UBASH3B: variants seen among roughly 807,000 people sequenced by gnomAD.
UBASH3B encodes the protein ubiquitin associated and SH3 domain containing B, also known as ubiquitin-associated and SH3 domain-containing protein B.
In UBASH3B, 37 loss-of-function variants were observed where a neutral mutation model predicts 83.4. The observed-to-expected ratio is 0.44, with a 90% CI of 0.34 to 0.58. The LOEUF (loss-of-function observed/expected upper bound fraction) is 0.58. Ranked by LOEUF, UBASH3B falls within the 20% of genes least tolerant of loss-of-function variation. UBASH3B has a pLI of 0.01. For missense variants in UBASH3B, 657 were observed against 827.2 expected, an observed-to-expected ratio of 0.79 and a Z score of 2.52; for synonymous variants, 304 against 318.3, an observed-to-expected ratio of 0.96 and a Z score of 0.48.
chr11:122,750,361 C>T (rs1302241037), intron 1 of UBASH3B, among the ~76,000 whole-genome samples: 1 of 152,120 alleles, frequency 6.6e-6, no homozygotes, highest in East Asian at 1.9e-4. Context: ...CCGGGAGGGA[C>T]ACACTCAAAG....
intron 1 of UBASH3B, among the ~76,000 whole-genome samples, chr11:122,728,939 C>T (rs1860791984): frequency 6.6e-6 from 1 of 152,236 alleles, no homozygotes; most frequent in Non-Finnish European, 1.5e-5. Flanking sequence ...TGGTCAGAGA[C>T]TTGCTCAAGG....
intron 1 of UBASH3B, among the ~76,000 whole-genome samples, chr11:122,690,700 C>T (rs1055248365): frequency 3.3e-5 from 5 of 152,148 alleles, no homozygotes; most frequent in East Asian, 1.9e-4. Flanking sequence ...AGACACATAG[C>T]GCTATGCTCC....
rs569500375 is a variant in UBASH3B at position 122,776,115 on chromosome 11, G to A, written c.162-104G>A. ...TCTACTCCCCACCACAGAGGATTGA[G>A]TGGAACACAGGCTTTGATGTCGCCT... On this transcript the variant is annotated intron_variant, in intron 1 of 13. Coordinates refer to ENST00000284273, the MANE Select transcript of UBASH3B (RefSeq NM_032873.5). 4.3e-5 allele frequency: 45 copies of A among 1,036,224 alleles called. No homozygotes were observed. The African/African-American group carries it at 6.1e-4, about 14-fold the overall frequency. The allele number at this position is 1,036,224 out of a possible 1,614,324, so 64.2% of individuals were successfully genotyped here.
intron 1 of UBASH3B, among the ~76,000 whole-genome samples, chr11:122,672,326 ACTT>A (rs1863606792): frequency 6.6e-6 from 1 of 151,380 alleles, no homozygotes; most frequent in Non-Finnish European, 1.5e-5. Context: ...TATTTTGTGA[ACTT>A]TTTTTTTTTT....
rs1470755502 is a variant in UBASH3B, at chr11:122,801,183, C to A, written c.1451-5C>A. 9.9e-6 allele frequency: 16 copies of A among 1,613,984 alleles called. No homozygotes were observed. Among genetic ancestry groups the A allele is most frequent in the Non-Finnish European group, 1.4e-5 (16 of 1,179,930 alleles). On this transcript the variant is annotated splice_region_variant and splice_polypyrimidine_tract_variant and intron_variant, in intron 10 of 13. Transcript: ENST00000284273. Reference sequence around the variant, plus strand: ...TCTTCATCTTCACTGTATTTTACCCCTAAGGTTTACAACAAGAAAATCACT... The same window carrying A: ...TCTTCATCTTCACTGTATTTTACCCATAAGGTTTACAACAAGAAAATCACT...
At chr11:122,679,486 A>G (rs1863711171) in intron 1 of UBASH3B, among the ~76,000 whole-genome samples, 1 of 152,222 alleles carries the variant, frequency 6.6e-6, no homozygotes, top group African/African-American at 2.4e-5. Flanking sequence ...TGTTAGAAAC[A>G]TAGAATCTCA....
chr11:122,669,550 T>G (rs1863563023), intron 1 of UBASH3B, among the ~76,000 whole-genome samples: 1 of 152,238 alleles, frequency 6.6e-6, no homozygotes, highest in South Asian at 2.1e-4. Flanking sequence ...ACTATTATTC[T>G]GTCAGCCACA....
chr11:122,745,448 T>G (rs1185173883), intron 1 of UBASH3B, among the ~76,000 whole-genome samples: 8 of 152,196 alleles, frequency 5.3e-5, no homozygotes, highest in African/African-American at 1.9e-4. Context: ...GGGAGCATGA[T>G]CACAGTCCCA....
At chr11:122,681,029 C>G (rs1053408383) in intron 1 of UBASH3B, among the ~76,000 whole-genome samples, 1 of 152,134 alleles carries the variant, frequency 6.6e-6, no homozygotes, top group African/African-American at 2.4e-5. Context: ...TACCAAAACT[C>G]TTTTTTATTT....
intron 1 of UBASH3B, among the ~76,000 whole-genome samples, chr11:122,674,574 G>A (rs1304107843): frequency 1.3e-5 from 2 of 151,876 alleles, no homozygotes. Flanking sequence ...GTAGAGACAG[G>A]GTTTCACCAT....
chr11:122,769,420 T>C (rs2135129180), intron 1 of UBASH3B, among the ~76,000 whole-genome samples: 1 of 152,308 alleles, frequency 6.6e-6, no homozygotes, highest in East Asian at 1.9e-4. Flanking sequence ...AGCAATGCCA[T>C]GCCATAAAGG....
At chr11:122,717,723 A>G (rs1860549005) in intron 1 of UBASH3B, among the ~76,000 whole-genome samples, 1 of 152,084 alleles carries the variant, frequency 6.6e-6, no homozygotes, top group Non-Finnish European at 1.5e-5. Context: ...GTTCTCCAGG[A>G]ACTGCTGTGA....
intron 1 of UBASH3B, among the ~76,000 whole-genome samples, chr11:122,708,291 CTT>C (rs11442792): frequency 1.1e-4 from 14 of 127,648 alleles, no homozygotes; most frequent in African/African-American, 1.8e-4. Flanking sequence ...CTTTGCTTGG[CTT>C]TTTTTTTTTT....
intron 1 of UBASH3B, among the ~76,000 whole-genome samples, chr11:122,669,136 C>T (rs1367285059): frequency 6.6e-6 from 1 of 152,206 alleles, no homozygotes; most frequent in Non-Finnish European, 1.5e-5. Context: ...CAAATTACTA[C>T]AAATTCAGTG....
chr11:122,711,588 T>C (rs1864192623), intron 1 of UBASH3B, among the ~76,000 whole-genome samples: 1 of 152,238 alleles, frequency 6.6e-6, no homozygotes, highest in Non-Finnish European at 1.5e-5. Flanking sequence ...CTAAGTCTCC[T>C]GAGCATGCCC....
intron 5 of UBASH3B, among the ~76,000 whole-genome samples, chr11:122,785,486 G>C (rs558777539): frequency 6.6e-6 from 1 of 152,258 alleles, no homozygotes; most frequent in African/African-American, 2.4e-5. Context: ...AAACTCCAAG[G>C]CCTCATTCCT....
intron 1 of UBASH3B, among the ~76,000 whole-genome samples, chr11:122,725,526 G>T (rs1160915457): frequency 1.4e-5 from 2 of 145,968 alleles, no homozygotes; most frequent in Non-Finnish European, 3.0e-5. Flanking sequence ...CCCTTCCGGT[G>T]TCTGGTCTCC....
At chr11:122,733,100 G>T (rs957474369) in intron 1 of UBASH3B, among the ~76,000 whole-genome samples, 3 of 152,212 alleles carry the variant, frequency 2.0e-5, no homozygotes, top group African/African-American at 4.8e-5. Context: ...CGAAGCCTTT[G>T]TGCTAAACAG....
intron 5 of UBASH3B, among the ~76,000 whole-genome samples, chr11:122,787,206 C>T (rs181554246): frequency 1.7e-4 from 26 of 152,266 alleles, no homozygotes; most frequent in Admixed American, 5.9e-4. Flanking sequence ...TTTCATGGGA[C>T]GTCACACATT....
Sources: allele counts gnomAD v4.1 joint callset (sites outside exome capture counted in the v4.1 genomes callset), GRCh38; gene constraint gnomAD v4.1.1; transcripts MANE v1.5; gene names NCBI Gene and HGNC (gene_info 2026-07-23, HGNC 2026-07-21).